Variants in PDE11A observed in about 807,000 individuals in gnomAD.
PDE11A encodes phosphodiesterase 11A, also known as dual 3',5'-cyclic-AMP and -GMP phosphodiesterase 11A.
PDE11A carries 100 observed loss-of-function variants against 100.5 expected under a neutral mutation model. The observed-to-expected ratio is 1.00, with a 90% CI of 0.85 to 1.18. The LOEUF is 1.18. PDE11A is among the 50% of genes most tolerant of loss of function. The probability of loss-of-function intolerance (pLI) is 0.00; values close to 1 mark genes in which losing one functional copy is unlikely to be tolerated. For synonymous variants in PDE11A, 381 were observed against 420.8 expected (o/e 0.91, Z 1.16); for missense variants, 1,141 against 1,152.6 (o/e 0.99, Z 0.15).
chr2:177,915,445 G>GTA (rs1012325127), intron 2 of PDE11A, among the ~76,000 whole-genome samples: 3 of 152,168 alleles, frequency 2.0e-5, no homozygotes, highest in Non-Finnish European at 4.4e-5. Context: ...GAACCACGCA[G>GTA]TATATATCCT....
chr2:177,779,635 T>A (rs981651270), intron 9 of PDE11A, among the ~76,000 whole-genome samples: 1 of 152,230 alleles, frequency 6.6e-6, no homozygotes, highest in Non-Finnish European at 1.5e-5. Context: ...TCTGTTCAAG[T>A]TTTACCATGA....
chr2:177,997,826 C>T lies in PDE11A; in HGVS notation c.1071+16476G>A, dbSNP rs1427056024. Reference sequence around the variant, plus strand: ...TCTTCTGGAGGGAGGGGCATGTATTCCAATAACTTATCAAATAGTTTCCCT... The same window carrying T: ...TCTTCTGGAGGGAGGGGCATGTATTTCAATAACTTATCAAATAGTTTCCCT... On this transcript the variant is annotated intron_variant, in intron 2 of 19. Coordinates refer to ENST00000286063, the MANE Select transcript of PDE11A (RefSeq NM_016953.4). 2.2e-6 allele frequency: 3 copies of T among 1,338,858 alleles called. No individual in the cohort carries two copies. The African/African-American group carries it at 4.3e-5, about 19-fold the overall frequency. 82.9% of individuals were successfully genotyped at this position (1,338,858 alleles called of 1,614,324 possible). A position where few individuals can be genotyped will look rare whatever the true frequency, so the allele number is the denominator to read the frequency against.
chr2:177,972,520 C>T (rs1232395429), intron 2 of PDE11A, among the ~76,000 whole-genome samples: 2 of 152,052 alleles, frequency 1.3e-5, no homozygotes, highest in African/African-American at 4.8e-5. Context: ...GATGTTTATC[C>T]TTCAAGGAAA....
intron 1 of PDE11A, among the ~76,000 whole-genome samples, chr2:178,066,180 C>G (rs12618537): frequency 0.064 from 9,690 of 152,078 alleles, 368 homozygotes; most frequent in Middle Eastern, 0.14. Context: ...AAAGCACTAT[C>G]TGGGCATTGA....
At chr2:178,046,300 A>G (rs2086750460) in intron 1 of PDE11A, among the ~76,000 whole-genome samples, 1 of 152,206 alleles carries the variant, frequency 6.6e-6, no homozygotes, top group African/African-American at 2.4e-5. Flanking sequence ...TGAGGACTAT[A>G]AAATGTATGG....
chr2:178,032,955 A>C (rs1318702705), intron 1 of PDE11A, among the ~76,000 whole-genome samples: 1 of 152,228 alleles, frequency 6.6e-6, no homozygotes, highest in East Asian at 1.9e-4. Flanking sequence ...GTGCAAAAAA[A>C]CAACTGAAAA....
At chr2:177,955,205 T>C (rs1001080530) in intron 2 of PDE11A, among the ~76,000 whole-genome samples, 5 of 152,210 alleles carry the variant, frequency 3.3e-5, no homozygotes, top group South Asian at 2.1e-4. Context: ...CATGTTTTAA[T>C]GAGAAGCATG....
chr2:177,784,312 A>C (rs2082499647), intron 9 of PDE11A, among the ~76,000 whole-genome samples: 1 of 151,752 alleles, frequency 6.6e-6, no homozygotes, highest in Admixed American at 6.6e-5. Context: ...TACACTAATT[A>C]TAATATATTA....
At chr2:177,823,116 G>A (rs1182771617) in intron 6 of PDE11A, among the ~76,000 whole-genome samples, 1 of 151,982 alleles carries the variant, frequency 6.6e-6, no homozygotes, top group Non-Finnish European at 1.5e-5. Context: ...TGATATTTGA[G>A]AATTCCAGAT....
chr2:177,896,936 A>T (rs989370873), intron 4 of PDE11A, among the ~76,000 whole-genome samples: 1 of 151,924 alleles, frequency 6.6e-6, no homozygotes, highest in Non-Finnish European at 1.5e-5. Flanking sequence ...AACAGAAATA[A>T]CCCCAATCTC....
chr2:177,701,536 A>C (rs527301503), intron 13 of PDE11A, among the ~76,000 whole-genome samples: 114 of 152,344 alleles, frequency 7.5e-4, no homozygotes, highest in African/African-American at 2.7e-3. Flanking sequence ...AATAATGCAC[A>C]TAAAAACAAT....
intron 2 of PDE11A, among the ~76,000 whole-genome samples, chr2:177,966,180 C>T (rs879054314): frequency 6.6e-6 from 1 of 151,964 alleles, no homozygotes. Flanking sequence ...TATATAGAAA[C>T]GTTATTGATT....
At chr2:177,677,146 T>C (rs1202805345) in intron 16 of PDE11A, among the ~76,000 whole-genome samples, 1 of 152,256 alleles carries the variant, frequency 6.6e-6, no homozygotes, top group Admixed American at 6.5e-5. Flanking sequence ...TCTCTTCAAA[T>C]GCATATTGCC....
intron 4 of PDE11A, among the ~76,000 whole-genome samples, chr2:177,894,958 C>A (rs2084587204): frequency 6.6e-6 from 1 of 152,116 alleles, no homozygotes; most frequent in Admixed American, 6.5e-5. Flanking sequence ...ACTCCTGCCT[C>A]CCTAAAATGT....
chr2:177,643,352 G>A (rs755412372), intron 19 of PDE11A, among the ~76,000 whole-genome samples: 1 of 152,206 alleles, frequency 6.6e-6, no homozygotes, highest in Non-Finnish European at 1.5e-5. Context: ...AGATGGAGAT[G>A]AGGAACTTGT....
intron 5 of PDE11A, among the ~76,000 whole-genome samples, chr2:177,866,435 T>C (rs2084031744): frequency 1.3e-5 from 2 of 152,238 alleles, no homozygotes; most frequent in Non-Finnish European, 2.9e-5. Flanking sequence ...CTTGTCTCTC[T>C]TCTTCCACAG....
At chr2:177,717,581 C>T (rs1234398528) in intron 12 of PDE11A, among the ~76,000 whole-genome samples, 3 of 152,000 alleles carry the variant, frequency 2.0e-5, no homozygotes, top group South Asian at 2.1e-4. Context: ...CCTCACAGTT[C>T]GTATCAGAAA....
At chr2:177,805,257 T>A (rs1400609022) in intron 9 of PDE11A, among the ~76,000 whole-genome samples, 1 of 152,074 alleles carries the variant, frequency 6.6e-6, no homozygotes. Flanking sequence ...CCCTCTCAGA[T>A]GCTCTTATGG....
At chr2:177,681,717 G>A (rs1256182229) in intron 15 of PDE11A, among the ~76,000 whole-genome samples, 1 of 152,198 alleles carries the variant, frequency 6.6e-6, no homozygotes. Context: ...GGCCATGATG[G>A]GAAGTGGGAG....
Sources: gnomAD v4.1 joint callset for allele counts (sites outside exome capture counted in the v4.1 genomes callset) on GRCh38, gnomAD v4.1.1 for gene constraint, MANE v1.5 for transcripts, NCBI Gene and HGNC (gene_info 2026-07-23, HGNC 2026-07-21) for gene names.